CEP83: variants seen among roughly 807,000 people sequenced by gnomAD.
CEP83 encodes the protein centrosomal protein of 83 kDa.
A neutral mutation model predicts 101.9 loss-of-function variants in CEP83; 70 were observed. The ratio of observed to expected loss-of-function variants is 0.69; its 90% CI spans 0.57 to 0.84. The LOEUF is 0.84. Among genes scored for constraint, CEP83 ranks in the 40% least tolerant of loss-of-function variants. The pLI is 0.00. For synonymous variants in CEP83, 264 were observed against 267.9 expected, an observed-to-expected ratio of 0.99 and a Z score of 0.14; for missense variants, 715 against 787.2, an observed-to-expected ratio of 0.91 and a Z score of 1.10.
At chr12:94,327,693 A>G (rs562224368) in intron 14 of CEP83, among the ~76,000 whole-genome samples, 1 of 152,264 alleles carries the variant, frequency 6.6e-6, no homozygotes, top group South Asian at 2.1e-4. Flanking sequence ...TTTCTTATTT[A>G]CCAATATATT....
At chr12:94,430,913 A>G (rs2138181113) in intron 2 of CEP83, among the ~76,000 whole-genome samples, 1 of 152,374 alleles carries the variant, frequency 6.6e-6, no homozygotes, top group African/African-American at 2.4e-5. Context: ...AAAGGGATGG[A>G]AAAAGACATT....
intron 14 of CEP83, among the ~76,000 whole-genome samples, chr12:94,316,579 C>T (rs893949532): frequency 6.6e-6 from 1 of 150,978 alleles, no homozygotes; most frequent in Non-Finnish European, 1.5e-5. Context: ...TCCTCCCATG[C>T]TCCAGTCTCA....
At chr12:94,372,242 G>A (rs901008776) in intron 8 of CEP83, among the ~76,000 whole-genome samples, 10 of 152,190 alleles carry the variant, frequency 6.6e-5, no homozygotes, top group African/African-American at 2.4e-4. Context: ...AAAGTGCTGG[G>A]ATTACAGGCG....
chr12:94,394,534 C>G (rs2062762089), intron 6 of CEP83, among the ~76,000 whole-genome samples: 1 of 152,072 alleles, frequency 6.6e-6, no homozygotes, highest in East Asian at 1.9e-4. Context: ...AGAAGAAAAC[C>G]TAGGCAATAC....
Position 94,330,362 on chromosome 12 carries a change from T to C in CEP83, c.1707+1338A>G, listed in dbSNP as rs573921075. On this transcript the variant is annotated intron_variant, in intron 14 of 16. Coordinates refer to ENST00000397809, the MANE Select transcript of CEP83 (RefSeq NM_016122.3). ...TTACCATGTCCTTCCCCTCCCTTAA[T>C]CACCACCATAAGTCATGGTTACTAA... 3.7e-4 allele frequency among the ~76,000 whole-genome samples: 56 copies of C among 152,288 alleles called. No individual in the cohort carries two copies. In the South Asian group the frequency reaches 0.011, roughly 31 times the overall value.
chr12:94,443,149 C>T (rs2066535879), intron 1 of CEP83, among the ~76,000 whole-genome samples: 1 of 145,012 alleles, frequency 6.9e-6, no homozygotes, highest in Admixed American at 6.9e-5. Context: ...TATACAAATT[C>T]AAACATTTTG....
At chr12:94,410,557 C>T (rs933582409) in intron 4 of CEP83, among the ~76,000 whole-genome samples, 6 of 152,116 alleles carry the variant, frequency 3.9e-5, no homozygotes, top group African/African-American at 1.2e-4. Flanking sequence ...TCTGGATGTG[C>T]TTGGTACAAA....
chr12:94,318,807 G>A (rs867443630), intron 14 of CEP83, among the ~76,000 whole-genome samples: 1 of 152,042 alleles, frequency 6.6e-6, no homozygotes, highest in African/African-American at 2.4e-5. Context: ...TACTGGATTC[G>A]GTTTGTAAGC....
Position 94,372,247 on chromosome 12 carries a change from C to T in CEP83, c.934-2211G>A, listed in dbSNP as rs1199113378. Among the ~76,000 whole-genome samples, 3 of 152,196 alleles carry T rather than the reference C, an allele frequency of 2.0e-5. No homozygotes were observed. In the East Asian group the frequency reaches 5.8e-4, roughly 29 times the overall value. ...TCGGCCTTCCAAAGTGCTGGGATTA[C>T]AGGCGTTAAGCCACCACACCTGGCC... On this transcript the variant is annotated intron_variant, in intron 8 of 16. Transcript: ENST00000397809.
chr12:94,450,322 G>A (rs2067156116), intron 1 of CEP83, among the ~76,000 whole-genome samples: 1 of 152,148 alleles, frequency 6.6e-6, no homozygotes, highest in Non-Finnish European at 1.5e-5. Flanking sequence ...CACAATCTCA[G>A]CTCACTGCAA....
chr12:94,333,678 A>C (rs777025702), intron 12 of CEP83, 39 bp from the exon 13 acceptor site: 3 of 1,593,806 alleles, frequency 1.9e-6, no homozygotes, highest in African/African-American at 2.7e-5. Context: ...AAGCCCACTA[A>C]ATAAATGCGG....
the CEP83 span, among the ~76,000 whole-genome samples, chr12:94,266,485 G>A: frequency 2.6e-5 from 4 of 152,218 alleles, no homozygotes; most frequent in East Asian, 7.7e-4. Context: ...AACACCAGTC[G>A]CTAGGCAGCA....
intron 1 of CEP83, among the ~76,000 whole-genome samples, chr12:94,440,134 G>A (rs574924134): frequency 3.3e-5 from 5 of 152,194 alleles, no homozygotes; most frequent in Non-Finnish European, 5.9e-5. Context: ...ACAAGACAAG[G>A]ATGTCCACTT....
At chr12:94,295,652 C>A in the CEP83 span, among the ~76,000 whole-genome samples, 1 of 152,122 alleles carries the variant, frequency 6.6e-6, no homozygotes, top group Non-Finnish European at 1.5e-5. Context: ...AAAATCCCAA[C>A]GCTGGATGAA....
At chr12:94,287,319 G>C in the CEP83 span, among the ~76,000 whole-genome samples, 1 of 152,212 alleles carries the variant, frequency 6.6e-6, no homozygotes, top group Non-Finnish European at 1.5e-5. Flanking sequence ...GAAGGGGACT[G>C]TGCTTTGCTC....
At chr12:94,449,683 G>C (rs1594141297) in intron 1 of CEP83, among the ~76,000 whole-genome samples, 1 of 140,512 alleles carries the variant, frequency 7.1e-6, no homozygotes, top group East Asian at 2.2e-4. Context: ...GGAAGCCGGA[G>C]AATCGCATGA....
At chr12:94,319,682 A>C (rs1403685213) in intron 14 of CEP83, among the ~76,000 whole-genome samples, 1 of 152,066 alleles carries the variant, frequency 6.6e-6, no homozygotes, top group Admixed American at 6.6e-5. Context: ...TTGAGCAATT[A>C]TATTTTTAGT....
downstream of CEP83, chr12:94,306,436 C>T (rs1195608559): frequency 6.6e-6 from 1 of 152,134 alleles, no homozygotes; most frequent in Non-Finnish European, 1.5e-5. Context: ...TTAAAGAATT[C>T]TCTATCCAGT....
intron 2 of CEP83, among the ~76,000 whole-genome samples, chr12:94,426,923 C>T (rs952664829): frequency 1.3e-5 from 2 of 152,246 alleles, no homozygotes; most frequent in African/African-American, 4.8e-5. Context: ...TCAGAGGGAA[C>T]GTGGCTTGGC....
Sources: allele counts gnomAD v4.1 joint callset (sites outside exome capture counted in the v4.1 genomes callset), GRCh38; gene constraint gnomAD v4.1.1; transcripts MANE v1.5; gene names NCBI Gene and HGNC (gene_info 2026-07-23, HGNC 2026-07-21).